Variants in ARHGAP28 observed in about 807,000 individuals in gnomAD.
ARHGAP28 encodes rho GTPase-activating protein 28.
Under a neutral mutation model 90.7 loss-of-function variants are expected in ARHGAP28, and 56 were observed. The ratio of observed to expected loss-of-function variants is 0.62; its 90% CI spans 0.50 to 0.77. The LOEUF (loss-of-function observed/expected upper bound fraction) is 0.77, where lower values mean the gene tolerates loss of function less well. ARHGAP28 is among the 30% of genes least tolerant of loss of function. The probability of loss-of-function intolerance (pLI) is 0.00; values close to 1 mark genes in which losing one functional copy is unlikely to be tolerated. For missense variants in ARHGAP28, 869 were observed against 900.9 expected (o/e 0.96, Z 0.45); for synonymous variants, 308 against 323.3 (o/e 0.95, Z 0.51).
At chr18:6,785,620 G>A (rs900565967) in intron 1 of ARHGAP28, among the ~76,000 whole-genome samples, 1 of 152,202 alleles carries the variant, frequency 6.6e-6, no homozygotes, top group Non-Finnish European at 1.5e-5. Flanking sequence ...CCCCTGGTAT[G>A]TTGTAACCCT....
chr18:6,837,616 A>G (rs939141094), intron 3 of ARHGAP28, among the ~76,000 whole-genome samples: 6 of 152,186 alleles, frequency 3.9e-5, no homozygotes, highest in Non-Finnish European at 7.3e-5. Context: ...CTGTACTGCA[A>G]TCTCCCTCAA....
intron 1 of ARHGAP28, among the ~76,000 whole-genome samples, chr18:6,752,911 T>C (rs1161210536): frequency 1.3e-5 from 2 of 150,568 alleles, no homozygotes. Flanking sequence ...TTCATAAGCA[T>C]TTTATTTGCT....
At chr18:6,858,315 C>T (rs976895901) in intron 4 of ARHGAP28, among the ~76,000 whole-genome samples, 2 of 152,084 alleles carry the variant, frequency 1.3e-5, no homozygotes, top group African/African-American at 4.8e-5. Context: ...CTCTTCCCTT[C>T]CTAGAAATTT....
chr18:6,824,946 G>A lies in ARHGAP28; in HGVS notation c.307G>A (p.Glu103Lys). The A allele has an allele frequency of 6.5e-7, 1 of 1,535,324 alleles. No individual in the cohort carries two copies. Among genetic ancestry groups the A allele is most frequent in the Non-Finnish European group, 8.7e-7 (1 of 1,146,588 alleles). ...MGGQEEPPPA[E>K]VTPVDEGELE... ...AGGGCAAGAAGAGCCACCGCCAGCTGAGGTCACACCTGTGGATGGTAAGTT... is the reference window on the plus strand; with the variant it reads ...AGGGCAAGAAGAGCCACCGCCAGCTAAGGTCACACCTGTGGATGGTAAGTT... Residue 103 changes from glutamate (E) to lysine (K), a missense_variant, in exon 2 of 18, where the codon GAG becomes AAG. Physicochemically the swap from Glu to Lys is moderately conservative, Grantham distance 56. Coordinates refer to ENST00000383472, the MANE Select transcript of ARHGAP28 (RefSeq NM_001366230.1).
At chr18:6,881,899 A>G (rs1361359712) in intron 10 of ARHGAP28, among the ~76,000 whole-genome samples, 1 of 152,208 alleles carries the variant, frequency 6.6e-6, no homozygotes, top group Non-Finnish European at 1.5e-5. Flanking sequence ...ATTTGTGTAG[A>G]ATTAGAAAAT....
rs547277939 is a variant in ARHGAP28, at chr18:6,834,975, T to C, written c.326-2222T>C. 3.3e-5 allele frequency among the ~76,000 whole-genome samples: 5 copies of C among 152,320 alleles called. No homozygotes were observed. The East Asian group carries it at 9.6e-4, about 29-fold the overall frequency. On this transcript the variant is annotated intron_variant, in intron 2 of 17. Transcript: ENST00000383472. ...CATATGAATGACAGAGCCAAGTGGA[T>C]ATTGAATAGGCAGTCAGATATATGG...
At chr18:6,817,762 A>T (rs1217862787) in intron 1 of ARHGAP28, among the ~76,000 whole-genome samples, 1 of 152,138 alleles carries the variant, frequency 6.6e-6, no homozygotes, top group African/African-American at 2.4e-5. Flanking sequence ...AGAGAAAGGG[A>T]TGGCACCTAT....
chr18:6,829,608 A>G (rs2056700015), intron 2 of ARHGAP28, among the ~76,000 whole-genome samples: 1 of 152,206 alleles, frequency 6.6e-6, no homozygotes, highest in South Asian at 2.1e-4. Flanking sequence ...ATCAAGATAG[A>G]TAACATTTCA....
intron 1 of ARHGAP28, among the ~76,000 whole-genome samples, chr18:6,767,050 C>T (rs368827773): frequency 5.3e-5 from 8 of 152,098 alleles, no homozygotes; most frequent in Admixed American, 6.5e-5. Flanking sequence ...CACTCATTTC[C>T]GGCCCTCGTT....
chr18:6,864,149 T>C (rs1393674527), intron 5 of ARHGAP28, among the ~76,000 whole-genome samples: 1 of 152,200 alleles, frequency 6.6e-6, no homozygotes, highest in East Asian at 1.9e-4. Context: ...CACTGAAACC[T>C]CTGCCTCCCG....
intron 3 of ARHGAP28, among the ~76,000 whole-genome samples, chr18:6,850,126 A>G (rs549745345): frequency 4.8e-4 from 73 of 152,302 alleles, no homozygotes; most frequent in African/African-American, 1.4e-3. Context: ...CAACAATCAT[A>G]CTGTTAATTC....
At chr18:6,818,615 A>C (rs879467337) in intron 1 of ARHGAP28, among the ~76,000 whole-genome samples, 1 of 152,190 alleles carries the variant, frequency 6.6e-6, no homozygotes, top group Admixed American at 6.5e-5. Flanking sequence ...AACTGGAGGA[A>C]TGCTACATTA....
chr18:6,854,081 T>A (rs956710025), intron 4 of ARHGAP28, among the ~76,000 whole-genome samples: 2 of 151,904 alleles, frequency 1.3e-5, no homozygotes, highest in African/African-American at 4.8e-5. Context: ...TACATGAAAG[T>A]TGAACCAGAT....
intron 1 of ARHGAP28, among the ~76,000 whole-genome samples, chr18:6,752,671 G>A (rs1454953662): frequency 1.3e-5 from 2 of 152,142 alleles, no homozygotes; most frequent in Admixed American, 1.3e-4. Context: ...TTGGGCTCTG[G>A]AAGCTTCTCA....
chr18:6,870,847 C>CCGGA, intron 7 of ARHGAP28, 115 bp downstream of exon 7: 1 of 1,171,420 alleles, frequency 8.5e-7, no homozygotes, highest in South Asian at 1.6e-5. Context: ...TTGCCCCAGG[C>CCGGA]TGGAGTGCAG....
intron 1 of ARHGAP28, among the ~76,000 whole-genome samples, chr18:6,793,009 A>G (rs1050674204): frequency 6.6e-6 from 1 of 152,362 alleles, no homozygotes; most frequent in Non-Finnish European, 1.5e-5. Context: ...AAACCTTGAA[A>G]GAAACAACTT....
Position 6,819,141 on chromosome 18 carries a change from A to G in ARHGAP28, c.123-5621A>G, listed in dbSNP as rs551636859. Among the ~76,000 whole-genome samples, 5 of 152,322 alleles carry G rather than the reference A, an allele frequency of 3.3e-5. No individual in the cohort carries two copies. In the South Asian group the frequency reaches 1.0e-3, roughly 32 times the overall value. On this transcript the variant is annotated intron_variant, in intron 1 of 17. Coordinates refer to ENST00000383472, the MANE Select transcript of ARHGAP28 (RefSeq NM_001366230.1). ...TTTCATAGTAAGAAGTATGTCTTTT[A>G]AAAATATTTTTTTGGAATATACTTA... is the stretch of plus-strand genomic sequence containing the variant.
intron 2 of ARHGAP28, among the ~76,000 whole-genome samples, chr18:6,827,947 G>A (rs1266969870): frequency 3.3e-5 from 5 of 151,624 alleles, no homozygotes; most frequent in Admixed American, 1.3e-4. Flanking sequence ...CCCAGACGGG[G>A]TGGCGGCCGG....
chr18:6,819,060 A>G lies in ARHGAP28; in HGVS notation c.123-5702A>G, dbSNP rs76911193. ...AAATGATGTAATGCGTATGACAGTA[A>G]CTCGTTATGTATAAACCTCTCCATA... On this transcript the variant is annotated intron_variant, in intron 1 of 17. Coordinates refer to ENST00000383472, the MANE Select transcript of ARHGAP28 (RefSeq NM_001366230.1). Among the ~76,000 whole-genome samples the G allele has an allele frequency of 1.6e-3, 243 of 152,328 alleles. 5 individuals are homozygous for G. The East Asian group carries it at 0.042, about 26-fold the overall frequency.
Sources: gnomAD v4.1 joint callset for allele counts (sites outside exome capture counted in the v4.1 genomes callset) on GRCh38, gnomAD v4.1.1 for gene constraint, MANE v1.5 for transcripts, NCBI Gene and HGNC (gene_info 2026-07-23, HGNC 2026-07-21) for gene names.